CNTNAP2: variants seen among roughly 807,000 people sequenced by gnomAD.
CNTNAP2 encodes contactin-associated protein-like 2.
CNTNAP2 carries 98 observed loss-of-function variants against 155.2 expected under a neutral mutation model. The ratio of observed to expected loss-of-function variants is 0.63; its 90% CI spans 0.54 to 0.75. The LOEUF is 0.75. Ranked by LOEUF, CNTNAP2 falls within the 30% of genes least tolerant of loss-of-function variation. The pLI is 0.00. For missense variants in CNTNAP2, 1,727 were observed against 1,688.1 expected, an observed-to-expected ratio of 1.02 and a Z score of -0.40; for synonymous variants, 651 against 631.2, an observed-to-expected ratio of 1.03 and a Z score of -0.47.
intron 3 of CNTNAP2, among the ~76,000 whole-genome samples, chr7:146,877,004 C>T (rs946308258): frequency 6.6e-5 from 10 of 152,122 alleles, no homozygotes; most frequent in South Asian, 2.1e-4. Context: ...CTGCTTTAAG[C>T]GTTTTTCATT....
At chr7:148,217,901 G>A (rs981950695) in intron 19 of CNTNAP2, among the ~76,000 whole-genome samples, 1 of 152,238 alleles carries the variant, frequency 6.6e-6, no homozygotes, top group Non-Finnish European at 1.5e-5. Flanking sequence ...AAGGTGGGCG[G>A]ATCACTTGAG....
chr7:146,258,797 G>C (rs1483382101), intron 1 of CNTNAP2, among the ~76,000 whole-genome samples: 1 of 152,140 alleles, frequency 6.6e-6, no homozygotes, highest in African/African-American at 2.4e-5. Flanking sequence ...TTTCCTAGCT[G>C]CATAATCTGA....
At chr7:147,963,390 A>G (rs2373278) in intron 14 of CNTNAP2, among the ~76,000 whole-genome samples, 20,552 of 152,066 alleles carry the variant, frequency 0.14, 2,287 homozygotes, top group African/African-American at 0.31. Flanking sequence ...CTAGAGGAAG[A>G]AGCAATTAAT....
intron 21 of CNTNAP2, among the ~76,000 whole-genome samples, chr7:148,355,245 G>A (rs1410794233): frequency 7.6e-6 from 1 of 132,114 alleles, no homozygotes; most frequent in Non-Finnish European, 1.5e-5. Context: ...GCAGTGGTGC[G>A]ATCTCGGCTC....
At chr7:147,666,304 G>A (rs1019109110) in intron 13 of CNTNAP2, among the ~76,000 whole-genome samples, 12 of 152,240 alleles carry the variant, frequency 7.9e-5, no homozygotes, top group African/African-American at 4.8e-5. Flanking sequence ...CACGTGTGAC[G>A]GTGGTCTCAG....
At chr7:147,626,814 C>T (rs1030680603) in intron 12 of CNTNAP2, among the ~76,000 whole-genome samples, 1 of 152,190 alleles carries the variant, frequency 6.6e-6, no homozygotes, top group Non-Finnish European at 1.5e-5. Flanking sequence ...AACCAGAGTT[C>T]CTGAGCGTGT....
At chr7:148,039,055 C>T (rs1252340664) in intron 15 of CNTNAP2, among the ~76,000 whole-genome samples, 1 of 152,166 alleles carries the variant, frequency 6.6e-6, no homozygotes, top group Non-Finnish European at 1.5e-5. Context: ...GGAGAATTGG[C>T]TCATGCAATT....
intron 21 of CNTNAP2, among the ~76,000 whole-genome samples, chr7:148,323,834 C>T (rs1425023090): frequency 1.3e-5 from 2 of 151,534 alleles, no homozygotes; most frequent in Non-Finnish European, 2.9e-5. Flanking sequence ...TCAACCTTTC[C>T]GGCCTGCCTG....
intron 1 of CNTNAP2, among the ~76,000 whole-genome samples, chr7:146,712,013 A>C (rs1468339629): frequency 2.0e-5 from 1 of 50,352 alleles, no homozygotes; most frequent in Non-Finnish European, 3.4e-5. Context: ...TATACTATAT[A>C]GTATACACAT....
intron 19 of CNTNAP2, among the ~76,000 whole-genome samples, chr7:148,225,220 T>C (rs1328271817): frequency 6.6e-6 from 1 of 152,136 alleles, no homozygotes; most frequent in Admixed American, 6.5e-5. Context: ...GTATGTTGTG[T>C]GCTAAGAACT....
intron 3 of CNTNAP2, among the ~76,000 whole-genome samples, chr7:146,843,095 C>T: frequency 8.6e-6 from 1 of 116,312 alleles, no homozygotes; most frequent in South Asian, 3.4e-4. Context: ...TCACTGCAAG[C>T]TCCGCTTCCC....
chr7:148,363,383 AAGTT>A (rs1798662833), intron 21 of CNTNAP2, among the ~76,000 whole-genome samples: 2 of 152,234 alleles, frequency 1.3e-5, no homozygotes, highest in South Asian at 4.1e-4. Context: ...TGTGTTTGGT[AAGTT>A]GAGTGTATTA....
chr7:146,303,821 T>C (rs1414386613), intron 1 of CNTNAP2, among the ~76,000 whole-genome samples: 2 of 152,122 alleles, frequency 1.3e-5, no homozygotes, highest in African/African-American at 4.8e-5. Flanking sequence ...CTGGATATCC[T>C]TTTTAACTTT....
At chr7:146,332,329 A>G (rs1239105618) in intron 1 of CNTNAP2, among the ~76,000 whole-genome samples, 1 of 152,122 alleles carries the variant, frequency 6.6e-6, no homozygotes, top group Non-Finnish European at 1.5e-5. Flanking sequence ...TAAAACTCAC[A>G]CATTCATACT....
In CNTNAP2 at chr7:147,294,794, G is replaced by C. The variant is rs112934222; in HGVS notation, c.1349-5347G>C. Among the ~76,000 whole-genome samples the C allele has an allele frequency of 1.2e-4, 19 of 152,076 alleles. 1 individual carries two copies. Among genetic ancestry groups the C allele is most frequent in the African/African-American group, 4.6e-4 (19 of 41,486 alleles). The stretch of plus-strand genomic sequence containing the variant: ...CTGCCTCAGCCTCCCAAGTAGCTGG[G>C]ATTACAAGTGCCCACCACCACACCC... On this transcript the variant is annotated intron_variant, in intron 8 of 23. Transcript: ENST00000361727.
Position 147,425,233 on chromosome 7 carries a change from T to C in CNTNAP2, c.1670+29453T>C, listed in dbSNP as rs1797359693. 1.4e-5 allele frequency among the ~76,000 whole-genome samples: 2 copies of C among 147,954 alleles called. 1 individual carries two copies. Among genetic ancestry groups the C allele is most frequent in the South Asian group, 4.3e-4 (2 of 4,602 alleles). ...AAACGACAAAAAAAAAAAATTGTTA[T>C]TCTCCTTCTTGTTCCACACAATGAC... On this transcript the variant is annotated intron_variant, in intron 10 of 23. Transcript: ENST00000361727.
chr7:146,360,834 C>A (rs1584888747), intron 1 of CNTNAP2, among the ~76,000 whole-genome samples: 1 of 152,242 alleles, frequency 6.6e-6, no homozygotes, highest in Admixed American at 6.5e-5. Flanking sequence ...TGATGTATAA[C>A]AAACGTATCC....
At chr7:146,880,058 A>T (rs997074110) in intron 3 of CNTNAP2, among the ~76,000 whole-genome samples, 1 of 152,068 alleles carries the variant, frequency 6.6e-6, no homozygotes, top group African/African-American at 2.4e-5. Flanking sequence ...TGATTCAATT[A>T]TTTCCCACCT....
intron 1 of CNTNAP2, among the ~76,000 whole-genome samples, chr7:146,191,636 C>T (rs1044619928): frequency 1.3e-5 from 2 of 152,118 alleles, no homozygotes; most frequent in African/African-American, 2.4e-5. Context: ...ACTCCCAGAG[C>T]GGCCATTTTA....
Sources: allele counts gnomAD v4.1 joint callset (sites outside exome capture counted in the v4.1 genomes callset), GRCh38; gene constraint gnomAD v4.1.1; transcripts MANE v1.5; gene names NCBI Gene and HGNC (gene_info 2026-07-23, HGNC 2026-07-21).